SYNE4: variants seen among roughly 807,000 people sequenced by gnomAD.
SYNE4 encodes the protein spectrin repeat containing nuclear envelope family member 4.
A neutral mutation model predicts 46.9 loss-of-function variants in SYNE4; 41 were observed. The observed-to-expected ratio is 0.87, with a 90% CI of 0.68 to 1.13. The LOEUF is 1.13. SYNE4 is among the 50% of genes most tolerant of loss of function. SYNE4 has a pLI of 0.00. For missense variants in SYNE4, 492 were observed against 514.8 expected (o/e 0.96, Z 0.43); for synonymous variants, 221 against 219.5 (o/e 1.01, Z -0.06).
In SYNE4 at chr19:36,008,259, T is replaced by G; in HGVS notation, c.237A>C (p.Thr79=). Residue 79 remains threonine, a synonymous_variant, in exon 2 of 8, where the codon ACA becomes ACC. Coordinates refer to ENST00000324444, the MANE Select transcript of SYNE4 (RefSeq NM_001039876.3). The part of the protein sequence containing the change: ...EPAAHPPRWS[T]PSSYEDPAGG... ...CAGCTGGGTCCTCGTAGGAAGAGGG[T>G]GTTGACCATCTCGGGGGGTGAGCGG... 6.2e-7 allele frequency: 1 copy of G among 1,609,988 alleles called. No individual in the cohort carries two copies. The highest frequency in any genetic ancestry group is 8.5e-7 in the Non-Finnish European group (1 of 1,177,908).
chr19:36,005,565 A>T, intron 5 of SYNE4, 128 bp from the exon 6 acceptor site: 1 of 737,292 alleles, frequency 1.4e-6, no homozygotes, highest in East Asian at 2.7e-5. Flanking sequence ...AGAAACCAAG[A>T]GAGGAGAGAA....
Position 36,003,354 on chromosome 19 carries a change from C to G in SYNE4, c.1198G>C (p.Gly400Arg). 1 of 1,613,970 alleles carries G rather than the reference C, an allele frequency of 6.2e-7. No individual in the cohort carries two copies. The highest frequency in any genetic ancestry group is 8.5e-7 in the Non-Finnish European group (1 of 1,179,994). Reference protein sequence around the residue: ...TPYLVLSYVNGLPPV With the variant: ...TPYLVLSYVNRLPPV The stretch of plus-strand genomic sequence containing the variant: ...TACACACATCAGACTGGGGGAAGAC[C>G]ATTGACATAGCTGAGCACCAGGTAG... Residue 400 changes from glycine to arginine, a missense_variant, in exon 8 of 8, where the codon GGT (glycine) becomes CGT (arginine). Transcript: ENST00000324444.
chr19:36,007,361 A>G (rs1968395015), intron 2 of SYNE4, 93 bp from the exon 3 acceptor site: 1 of 1,456,358 alleles, frequency 6.9e-7, no homozygotes, highest in South Asian at 1.5e-5. Context: ...GCTTCTGGAA[A>G]CTTCTCTGTG....
chr19:36,006,307 A>G (rs760954822), intron 5 of SYNE4, 116 bp downstream of exon 5: 31 of 1,326,640 alleles, frequency 2.3e-5, no homozygotes, highest in Admixed American at 1.5e-4. Flanking sequence ...AGACAGAGAT[A>G]GAGGGGGAGA....
intron 2 of SYNE4, chr19:36,007,534 G>A (rs1293865629): frequency 1.4e-5 from 14 of 985,276 alleles, no homozygotes; most frequent in African/African-American, 1.7e-5. Context: ...GACAGGGAGC[G>A]GGGCTGGGTA....
At chr19:36,005,247 C>T in intron 6 of SYNE4, 86 bp downstream of exon 6, 1 of 1,372,512 alleles carries the variant, frequency 7.3e-7, no homozygotes, top group Non-Finnish European at 1.0e-6. Flanking sequence ...AATAGCATTC[C>T]CTTTCTTGTG....
intron 2 of SYNE4, 151 bp from the exon 3 acceptor site, chr19:36,007,419 G>A: frequency 7.0e-7 from 1 of 1,425,354 alleles, no homozygotes; most frequent in Non-Finnish European, 9.2e-7. Context: ...CTCCCACTGG[G>A]GGGGCCTTCC....
chr19:36,004,900 T>TG (rs1378128545), intron 6 of SYNE4, among the ~76,000 whole-genome samples: 1 of 128,306 alleles, frequency 7.8e-6, no homozygotes, highest in African/African-American at 3.0e-5. Context: ...TTTGTTGAGA[T>TG]GGGGTCTCAC....
chr19:36,006,135 C>A, intron 5 of SYNE4: 1 of 388,778 alleles, frequency 2.6e-6, no homozygotes, highest in Non-Finnish European at 4.5e-6. Flanking sequence ...TCACGACAGG[C>A]CTCCCTGAAG....
intron 5 of SYNE4, chr19:36,006,164 G>A: frequency 2.2e-6 from 1 of 462,952 alleles, no homozygotes; most frequent in Non-Finnish European, 3.7e-6. Flanking sequence ...CTTCAGGAGA[G>A]ACTGGGACAG....
At chr19:36,003,808 C>T (rs1333890468) in intron 6 of SYNE4, 137 bp from the exon 7 acceptor site, 2 of 1,303,234 alleles carry the variant, frequency 1.5e-6, no homozygotes, top group African/African-American at 2.9e-5. Context: ...CAACCTCAGC[C>T]TCCCGGGTTC....
At position 36,003,662 on chromosome 19, in the gene SYNE4, T is replaced by G; in HGVS notation, c.982A>C (p.Arg328=). 1 of 1,612,920 alleles carries G rather than the reference T, an allele frequency of 6.2e-7. No homozygotes were observed. Among genetic ancestry groups the G allele is most frequent in the African/African-American group, 1.3e-5 (1 of 75,032 alleles). ...SLLRKPQDKK[R]QASPHLQDVR... is the part of the protein sequence containing the mutation. ...TCCTGGAGATGAGGAGATGCTTGCC[T>G]CTTCTTGTCCTAAGGAGGGAGAGCA... Residue 328 remains arginine (R), a synonymous_variant, in exon 7 of 8, where the codon AGG becomes CGG. Coordinates refer to ENST00000324444, the MANE Select transcript of SYNE4 (RefSeq NM_001039876.3).
chr19:36,004,205 G>T (rs149521826), intron 6 of SYNE4, among the ~76,000 whole-genome samples: 1 of 152,168 alleles, frequency 6.6e-6, no homozygotes, highest in East Asian at 1.9e-4. Flanking sequence ...GAGATGGGGG[G>T]AGGGGGCAGG....
chr19:36,007,112 C>T lies in SYNE4; in HGVS notation c.423+13G>A, dbSNP rs1408585733. Reference sequence around the variant, plus strand: ...GCCGTGCCCACCCCCACATCCTGGCCTCTCCTGCCTACCTGCAGCTGCACC... The same window carrying T: ...GCCGTGCCCACCCCCACATCCTGGCTTCTCCTGCCTACCTGCAGCTGCACC... On this transcript the variant is annotated intron_variant, in intron 3 of 7. Coordinates refer to ENST00000324444, the MANE Select transcript of SYNE4 (RefSeq NM_001039876.3). The T allele has an allele frequency of 1.3e-6, 2 of 1,594,374 alleles. No homozygotes were observed. The highest frequency in any genetic ancestry group is 1.7e-6 in the Non-Finnish European group (2 of 1,171,092).
intron 6 of SYNE4, among the ~76,000 whole-genome samples, chr19:36,004,890 T>TG (rs1429865852): frequency 1.2e-4 from 17 of 139,634 alleles, no homozygotes; most frequent in African/African-American, 4.7e-4. Context: ...TTTTTTTTTT[T>TG]TTGTTGAGAT....
intron 6 of SYNE4, 106 bp downstream of exon 6, chr19:36,005,227 T>G (rs1005063018): frequency 3.2e-6 from 4 of 1,245,870 alleles, no homozygotes; most frequent in East Asian, 2.4e-5. Context: ...CCATTACTTT[T>G]TTTTTTTTTA....
chr19:36,004,998 G>A (rs185537622), intron 6 of SYNE4, among the ~76,000 whole-genome samples: 2 of 148,830 alleles, frequency 1.3e-5, no homozygotes, highest in Admixed American at 1.4e-4. Context: ...CTCCTGAGTA[G>A]CTGGGATTAC....
At position 36,003,382 on chromosome 19, in the gene SYNE4, TGTCCTGGGTATTCGGGCA is replaced by T; in HGVS notation, c.1152_1169del (p.His384_Thr390delinsGln). 6.2e-7 allele frequency: 1 copy of T among 1,613,782 alleles called. No homozygotes were observed. The highest frequency in any genetic ancestry group is 8.5e-7 in the Non-Finnish European group (1 of 1,179,954). ...TGACATAGCTGAGCACCAGGTAGGG[TGTCCTGGGTATTCGGGCA>T]TGAGAGCAGCAGGGGCCTCCTGACG... On this transcript the variant is annotated inframe_deletion, in exon 8 of 8. Coordinates refer to ENST00000324444, the MANE Select transcript of SYNE4 (RefSeq NM_001039876.3).
Position 36,003,686 on chromosome 19 carries a change from C to A in SYNE4, c.973-15G>T. 3 of 1,610,244 alleles carry A rather than the reference C, an allele frequency of 1.9e-6. No homozygotes were observed. In the South Asian group the frequency reaches 3.3e-5, roughly 18 times the overall value. ...CTCTTCTTGTCCTAAGGAGGGAGAG[C>A]AGCCAGCAGCAGAATGGATAGAAAT... On this transcript the variant is annotated splice_polypyrimidine_tract_variant and intron_variant, in intron 6 of 7. Transcript: ENST00000324444.
Sources: allele counts gnomAD v4.1 joint callset (sites outside exome capture counted in the v4.1 genomes callset), GRCh38; gene constraint gnomAD v4.1.1; transcripts MANE v1.5; gene names NCBI Gene and HGNC (gene_info 2026-07-23, HGNC 2026-07-21).